Variants in CPNE8 observed in about 807,000 individuals in gnomAD.
CPNE8 encodes copine 8.
CPNE8 carries 45 observed loss-of-function variants against 81.5 expected under a neutral mutation model. The ratio of observed to expected loss-of-function variants is 0.55; its 90% confidence interval spans 0.44 to 0.71. The LOEUF (loss-of-function observed/expected upper bound fraction) is 0.71. Ranked by LOEUF, CPNE8 falls within the 30% of genes least tolerant of loss-of-function variation. The pLI is 0.00. For synonymous variants in CPNE8, 252 were observed against 226.3 expected (o/e 1.11, Z -1.02); for missense variants, 594 against 672.1 (o/e 0.88, Z 1.28).
intron 3 of CPNE8, among the ~76,000 whole-genome samples, chr12:38,861,229 G>A (rs966131213): frequency 1.3e-5 from 2 of 152,098 alleles, no homozygotes; most frequent in Non-Finnish European, 2.9e-5. Context: ...CACTGGCTGG[G>A]CGGGGGAGAG....
chr12:38,791,257 C>T (rs764099549), intron 6 of CPNE8, among the ~76,000 whole-genome samples: 1 of 151,560 alleles, frequency 6.6e-6, no homozygotes, highest in Non-Finnish European at 1.5e-5. Context: ...AGAATATTTA[C>T]CCTACCACCT....
intron 6 of CPNE8, among the ~76,000 whole-genome samples, chr12:38,797,169 C>A (rs946509491): frequency 3.9e-5 from 6 of 152,182 alleles, no homozygotes; most frequent in Admixed American, 2.6e-4. Context: ...GTAAATGTCC[C>A]TGTCTGACAG....
At chr12:38,710,410 A>T (rs1227846220) in intron 13 of CPNE8, among the ~76,000 whole-genome samples, 1 of 152,070 alleles carries the variant, frequency 6.6e-6, no homozygotes, top group Non-Finnish European at 1.5e-5. Flanking sequence ...TATAGACTGG[A>T]GTTTGAAGCC....
chr12:38,848,524 A>T, intron 4 of CPNE8, 35 bp downstream of exon 4: 1 of 1,544,678 alleles, frequency 6.5e-7, no homozygotes, highest in South Asian at 1.2e-5. Context: ...CTTTAAAATC[A>T]AATTTTTCTA....
intron 1 of CPNE8, among the ~76,000 whole-genome samples, chr12:38,902,814 TATA>T (rs1944510027): frequency 6.6e-6 from 1 of 152,226 alleles, no homozygotes; most frequent in Admixed American, 6.5e-5. Context: ...TTTCCAGTAT[TATA>T]ATAATAGCTA....
chr12:38,810,789 TGA>T (rs1942920281), intron 6 of CPNE8, among the ~76,000 whole-genome samples: 1 of 152,186 alleles, frequency 6.6e-6, no homozygotes, highest in East Asian at 1.9e-4. Flanking sequence ...CTAGTGGATC[TGA>T]GAGAGACTTC....
At chr12:38,828,507 T>C (rs776706348) in intron 6 of CPNE8, among the ~76,000 whole-genome samples, 9 of 152,134 alleles carry the variant, frequency 5.9e-5, no homozygotes, top group Non-Finnish European at 8.8e-5. Context: ...AAATAAAAAG[T>C]TTAATTTTAT....
chr12:38,695,312 G>A (rs1939768929), intron 14 of CPNE8, among the ~76,000 whole-genome samples: 1 of 152,138 alleles, frequency 6.6e-6, no homozygotes, highest in Admixed American at 6.5e-5. Flanking sequence ...CAGTCTCCGT[G>A]AGAAGATAGA....
intron 4 of CPNE8, among the ~76,000 whole-genome samples, chr12:38,847,482 A>G (rs1943578272): frequency 6.6e-6 from 1 of 152,196 alleles, no homozygotes; most frequent in Admixed American, 6.5e-5. Flanking sequence ...GGAAGTTACT[A>G]CATTTCATTT....
chr12:38,889,295 A>T (rs1413368326), intron 1 of CPNE8, among the ~76,000 whole-genome samples: 1 of 152,224 alleles, frequency 6.6e-6, no homozygotes, highest in Non-Finnish European at 1.5e-5. Flanking sequence ...AGGGGTGGGC[A>T]AGTCAATCTG....
At chr12:38,752,147 G>A (rs886857458) in intron 10 of CPNE8, among the ~76,000 whole-genome samples, 8 of 151,924 alleles carry the variant, frequency 5.3e-5, no homozygotes, top group African/African-American at 9.7e-5. Flanking sequence ...AAATTCATTC[G>A]TTCTAGTGAC....
intron 3 of CPNE8, among the ~76,000 whole-genome samples, chr12:38,865,674 G>A (rs184077641): frequency 5.5e-4 from 83 of 152,274 alleles, no homozygotes; most frequent in African/African-American, 1.9e-3. Flanking sequence ...TCTAGATGAT[G>A]GTTACCTGGG....
chr12:38,759,315 T>C (rs1268724480), intron 10 of CPNE8, among the ~76,000 whole-genome samples: 1 of 152,124 alleles, frequency 6.6e-6, no homozygotes, highest in Admixed American at 6.6e-5. Context: ...TAAAATAGGG[T>C]ATATAATACA....
intron 13 of CPNE8, among the ~76,000 whole-genome samples, chr12:38,706,776 T>C (rs1269177592): frequency 6.6e-6 from 1 of 152,164 alleles, no homozygotes; most frequent in African/African-American, 2.4e-5. Flanking sequence ...TTCCACATAT[T>C]GAAACCTCAC....
chr12:38,741,699 G>A (rs1240874270), intron 10 of CPNE8, among the ~76,000 whole-genome samples: 2 of 152,022 alleles, frequency 1.3e-5, no homozygotes, highest in Admixed American at 1.3e-4. Context: ...AAGAGCTTCT[G>A]CACAGCAAAA....
At chr12:38,879,539 G>A (rs1222139124) in intron 1 of CPNE8, among the ~76,000 whole-genome samples, 1 of 152,064 alleles carries the variant, frequency 6.6e-6, no homozygotes, top group Non-Finnish European at 1.5e-5. Flanking sequence ...TTCTTCATAT[G>A]TATAATGAGC....
intron 13 of CPNE8, among the ~76,000 whole-genome samples, chr12:38,713,906 G>T (rs564718675): frequency 6.6e-6 from 1 of 152,170 alleles, no homozygotes; most frequent in East Asian, 1.9e-4. Context: ...CATAGACCAG[G>T]ATTTCATGTT....
intron 7 of CPNE8, among the ~76,000 whole-genome samples, chr12:38,774,664 C>T (rs954801096): frequency 1.3e-5 from 2 of 151,648 alleles, no homozygotes; most frequent in Admixed American, 1.3e-4. Flanking sequence ...GTTTATTGCC[C>T]TTCAAATACG....
chr12:38,891,997 C>T (rs1944320664), intron 1 of CPNE8, among the ~76,000 whole-genome samples: 1 of 152,104 alleles, frequency 6.6e-6, no homozygotes, highest in East Asian at 1.9e-4. Flanking sequence ...AAAGAATGTA[C>T]AAGAAATGTT....
Sources: allele counts gnomAD v4.1 joint callset (sites outside exome capture counted in the v4.1 genomes callset), GRCh38; gene constraint gnomAD v4.1.1; transcripts MANE v1.5; gene names NCBI Gene and HGNC (gene_info 2026-07-23, HGNC 2026-07-21).